Variants in GALNT13 observed in about 807,000 individuals in gnomAD.
The protein encoded by GALNT13 is UDP-GalNAc:polypeptide N-acetylgalactosaminyltransferase 13.
Under a neutral mutation model 64.2 loss-of-function variants are expected in GALNT13, and 28 were observed. The ratio of observed to expected loss-of-function variants is 0.44; its 90% CI spans 0.32 to 0.60. The LOEUF is 0.60. Among genes scored for constraint, GALNT13 ranks in the 20% least tolerant of loss-of-function variants. The pLI is 0.05. For missense variants in GALNT13, 577 were observed against 669.8 expected (o/e 0.86, Z 1.53); for synonymous variants, 214 against 224.6 (o/e 0.95, Z 0.42).
At chr2:153,106,779 A>G in the GALNT13 span, among the ~76,000 whole-genome samples, 1 of 152,156 alleles carries the variant, frequency 6.6e-6, no homozygotes, top group South Asian at 2.1e-4. Context: ...GATGTGAGGC[A>G]TGGAAATTAG....
chr2:154,032,554 GATATT>G (rs1481879140), intron 3 of GALNT13, among the ~76,000 whole-genome samples: 5 of 151,552 alleles, frequency 3.3e-5, no homozygotes, highest in African/African-American at 7.3e-5. Context: ...ATATTAAAAG[GATATT>G]ATATTATGAG....
intron 4 of GALNT13, among the ~76,000 whole-genome samples, chr2:154,153,826 C>T (rs1684226229): frequency 6.6e-6 from 1 of 152,218 alleles, no homozygotes; most frequent in Admixed American, 6.5e-5. Flanking sequence ...TTTCCAGGTG[C>T]CATCTGTCAC....
intron 9 of GALNT13, among the ~76,000 whole-genome samples, chr2:154,305,764 C>T (rs1693698745): frequency 6.6e-6 from 1 of 152,180 alleles, no homozygotes; most frequent in Admixed American, 6.5e-5. Context: ...TCTGGGCATT[C>T]TTTCTCTCTT....
At position 154,180,647 on chromosome 2, in the gene GALNT13, A is replaced by G. The variant is rs541094009; in HGVS notation, c.311+40142A>G. Reference sequence around the variant, plus strand: ...TAATAAGCGTAGTTAAAATGTTGCTATTCATAATTCTCACCTTCTTTTTCT... The same window carrying G: ...TAATAAGCGTAGTTAAAATGTTGCTGTTCATAATTCTCACCTTCTTTTTCT... On this transcript the variant is annotated intron_variant, in intron 4 of 12. Transcript: ENST00000392825. Among the ~76,000 whole-genome samples the G allele has an allele frequency of 2.0e-5, 3 of 152,254 alleles. No individual in the cohort carries two copies. In the South Asian group the frequency reaches 6.2e-4, roughly 32 times the overall value.
the GALNT13 span, among the ~76,000 whole-genome samples, chr2:153,469,764 C>G: frequency 1.3e-5 from 2 of 152,026 alleles, no homozygotes; most frequent in East Asian, 3.9e-4. Flanking sequence ...TTTTATCCAT[C>G]TCATGGAGAG....
At chr2:154,121,645 T>G (rs972882670) in intron 3 of GALNT13, among the ~76,000 whole-genome samples, 1 of 152,162 alleles carries the variant, frequency 6.6e-6, no homozygotes, top group Non-Finnish European at 1.5e-5. Context: ...TTGAGTTTTG[T>G]GTATTGTGAC....
chr2:153,206,895 AT>A, the GALNT13 span, among the ~76,000 whole-genome samples: 3 of 152,070 alleles, frequency 2.0e-5, no homozygotes, highest in Non-Finnish European at 2.9e-5. Flanking sequence ...CATCGCCTAG[AT>A]TTAAAAATTA....
At chr2:153,834,236 A>C in the GALNT13 span, among the ~76,000 whole-genome samples, 5 of 152,240 alleles carry the variant, frequency 3.3e-5, no homozygotes, top group East Asian at 7.7e-4. Flanking sequence ...GCTGGACACC[A>C]TGCTAAAATG....
At chr2:153,434,613 G>A in the GALNT13 span, among the ~76,000 whole-genome samples, 2 of 152,154 alleles carry the variant, frequency 1.3e-5, no homozygotes, top group African/African-American at 4.8e-5. Context: ...TTTTTTGGCT[G>A]CATAAATGTC....
At chr2:153,618,199 C>T in the GALNT13 span, among the ~76,000 whole-genome samples, 3 of 151,620 alleles carry the variant, frequency 2.0e-5, no homozygotes, top group Non-Finnish European at 4.4e-5. Flanking sequence ...TTGCTGTATC[C>T]CATAGGCTTT....
chr2:153,943,170 A>T (rs1171779684), intron 2 of GALNT13, among the ~76,000 whole-genome samples: 1 of 152,214 alleles, frequency 6.6e-6, no homozygotes, highest in Admixed American at 6.5e-5. Flanking sequence ...AATGTAGTAT[A>T]AATAAAACAA....
chr2:153,743,957 G>C, the GALNT13 span, among the ~76,000 whole-genome samples: 1 of 152,008 alleles, frequency 6.6e-6, no homozygotes, highest in African/African-American at 2.4e-5. Context: ...ATTTCACTTA[G>C]CATCATGACC....
At chr2:154,060,769 C>T (rs990391139) in intron 3 of GALNT13, among the ~76,000 whole-genome samples, 1 of 152,000 alleles carries the variant, frequency 6.6e-6, no homozygotes, top group Non-Finnish European at 1.5e-5. Context: ...ATGGGGCTCA[C>T]ACATGCTGAT....
intron 3 of GALNT13, among the ~76,000 whole-genome samples, chr2:154,022,017 G>A (rs1321442453): frequency 8.5e-5 from 13 of 152,246 alleles, no homozygotes; most frequent in South Asian, 2.1e-4. Context: ...ATTGATTTGC[G>A]TATGTTGAAC....
the GALNT13 span, among the ~76,000 whole-genome samples, chr2:153,821,780 T>A: frequency 6.6e-6 from 1 of 152,062 alleles, no homozygotes; most frequent in South Asian, 2.1e-4. Context: ...TATAAAGTAT[T>A]AATGAAATCA....
chr2:153,478,276 G>A, the GALNT13 span: 1 of 1,613,956 alleles, frequency 6.2e-7, no homozygotes, highest in East Asian at 2.2e-5. Flanking sequence ...CTCCTTAGAC[G>A]GCCTCCGGTC....
intron 9 of GALNT13, among the ~76,000 whole-genome samples, chr2:154,311,360 C>A (rs993419714): frequency 1.3e-5 from 2 of 152,008 alleles, no homozygotes; most frequent in Admixed American, 6.6e-5. Context: ...TAAAGCTGGG[C>A]GTCCAGGGGA....
the GALNT13 span, among the ~76,000 whole-genome samples, chr2:153,135,606 G>A: frequency 6.6e-6 from 1 of 152,012 alleles, no homozygotes; most frequent in Non-Finnish European, 1.5e-5. Context: ...ATTTGTGGGT[G>A]TTTTTCTTCA....
intron 8 of GALNT13, among the ~76,000 whole-genome samples, chr2:154,297,985 T>C (rs1256075983): frequency 6.6e-6 from 1 of 151,816 alleles, no homozygotes; most frequent in Non-Finnish European, 1.5e-5. Flanking sequence ...CAAGAGGAGG[T>C]ATCAAGTAGA....
Sources: allele counts gnomAD v4.1 joint callset (sites outside exome capture counted in the v4.1 genomes callset), GRCh38; gene constraint gnomAD v4.1.1; transcripts MANE v1.5; gene names NCBI Gene and HGNC (gene_info 2026-07-23, HGNC 2026-07-21).